Variants in NAALADL2 observed in about 807,000 individuals in gnomAD.
The protein encoded by NAALADL2 is N-acetylated alpha-linked acidic dipeptidase like 2, also known as inactive N-acetylated-alpha-linked acidic dipeptidase-like protein 2.
In NAALADL2, 76 loss-of-function variants were observed where a neutral mutation model predicts 87.2. The ratio of observed to expected loss-of-function variants is 0.87; its 90% CI spans 0.72 to 1.05. The LOEUF (loss-of-function observed/expected upper bound fraction) is 1.05, where lower values mean the gene tolerates loss of function less well. Ranked by LOEUF, NAALADL2 falls within the 50% of genes least tolerant of loss-of-function variation. The pLI, the probability that NAALADL2 is intolerant of heterozygous loss-of-function variation, is 0.00. For missense variants in NAALADL2, 1,089 were observed against 945.8 expected (o/e 1.15, Z -1.99); for synonymous variants, 354 against 331.0 (o/e 1.07, Z -0.75).
chr3:174,581,087 CA>C (rs1398263827), intron 2 of NAALADL2, among the ~76,000 whole-genome samples: 1 of 151,958 alleles, frequency 6.6e-6, no homozygotes, highest in Non-Finnish European at 1.5e-5. Flanking sequence ...GCATGGGAAG[CA>C]AATGTAGAAA....
At chr3:175,542,207 T>G (rs1172592469) in intron 9 of NAALADL2, among the ~76,000 whole-genome samples, 3 of 152,212 alleles carry the variant, frequency 2.0e-5, no homozygotes, top group Non-Finnish European at 4.4e-5. Context: ...ATAAAAGCAC[T>G]TTTATTATTA....
chr3:175,003,914 C>A (rs1008116135), intron 1 of NAALADL2, among the ~76,000 whole-genome samples: 1 of 152,100 alleles, frequency 6.6e-6, no homozygotes, highest in Non-Finnish European at 1.5e-5. Flanking sequence ...AAAGAGACTT[C>A]GAAGACAGAA....
intron 4 of NAALADL2, chr3:175,270,990 AAC>A (rs1026032941): frequency 3.9e-5 from 6 of 152,190 alleles, no homozygotes; most frequent in African/African-American, 1.4e-4. Context: ...TTTTTATTAA[AAC>A]ACATTTTAAA....
intron 5 of NAALADL2, among the ~76,000 whole-genome samples, chr3:175,366,958 G>A (rs1027718611): frequency 1.1e-4 from 17 of 151,562 alleles, no homozygotes; most frequent in Non-Finnish European, 2.1e-4. Context: ...GAATGGTAAT[G>A]CCTAGGTTTT....
Position 174,445,527 on chromosome 3 carries a change from T to A in NAALADL2, c.-184+4495T>A, listed in dbSNP as rs544151371. On this transcript the variant is annotated intron_variant, in intron 1 of 3. Transcript: ENST00000434257. ...TCAAAAATATTTTGATTGTATAGTT[T>A]TTTACGTGGTACATTCAAAGAAATA... 4.0e-4 allele frequency among the ~76,000 whole-genome samples: 61 copies of A among 152,192 alleles called. 1 individual carries two copies. The highest frequency in any genetic ancestry group is 6.2e-4 in the Non-Finnish European group (42 of 67,974).
chr3:175,006,933 A>G (rs1300666118), intron 1 of NAALADL2, among the ~76,000 whole-genome samples: 1 of 151,518 alleles, frequency 6.6e-6, no homozygotes, highest in Non-Finnish European at 1.5e-5. Flanking sequence ...TTCCTTTATA[A>G]GTCTTTGATT....
At chr3:175,617,043 A>G (rs1725440572) in intron 10 of NAALADL2, among the ~76,000 whole-genome samples, 1 of 152,156 alleles carries the variant, frequency 6.6e-6, no homozygotes, top group Admixed American at 6.5e-5. Flanking sequence ...CATAGGAACT[A>G]AAATATCCCC....
chr3:175,641,553 A>G (rs1233926976), intron 11 of NAALADL2, among the ~76,000 whole-genome samples: 1 of 152,216 alleles, frequency 6.6e-6, no homozygotes, highest in Admixed American at 6.5e-5. Context: ...GGGAATAAAC[A>G]AAAACAATGT....
At chr3:175,302,825 CGTGTGTGTATATAT>C in intron 4 of NAALADL2, among the ~76,000 whole-genome samples, 1 of 150,654 alleles carries the variant, frequency 6.6e-6, no homozygotes, top group South Asian at 2.1e-4. Context: ...CCTGTCGAAA[CGTGTGTGTATATAT>C]GTGTGTGTAT....
intron 2 of NAALADL2, among the ~76,000 whole-genome samples, chr3:175,207,526 G>T (rs1741123342): frequency 6.6e-6 from 1 of 152,000 alleles, no homozygotes; most frequent in South Asian, 2.1e-4. Context: ...TGACTCATTT[G>T]TATATTTTGG....
At chr3:175,485,274 TG>T (rs1257292062) in intron 9 of NAALADL2, among the ~76,000 whole-genome samples, 2 of 152,148 alleles carry the variant, frequency 1.3e-5, no homozygotes, top group African/African-American at 4.8e-5. Context: ...AATTAGCTCA[TG>T]ATGGTGATGC....
intron 3 of NAALADL2, among the ~76,000 whole-genome samples, chr3:174,778,788 C>A (rs1420035947): frequency 6.6e-6 from 1 of 152,040 alleles, no homozygotes; most frequent in Non-Finnish European, 1.5e-5. Context: ...TTCACCCATG[C>A]CCCTGCAAAG....
chr3:174,569,690 G>A (rs1482320953), intron 2 of NAALADL2, among the ~76,000 whole-genome samples: 1 of 152,044 alleles, frequency 6.6e-6, no homozygotes, highest in Non-Finnish European at 1.5e-5. Context: ...AGCTATGTTA[G>A]GTTTAAAATA....
intron 1 of NAALADL2, among the ~76,000 whole-genome samples, chr3:174,925,466 T>C (rs891101928): frequency 2.6e-5 from 4 of 152,222 alleles, no homozygotes; most frequent in Non-Finnish European, 2.9e-5. Context: ...CTGTTTTGGT[T>C]ACTGTAGCCT....
At chr3:175,646,057 A>C (rs1255896294) in intron 11 of NAALADL2, among the ~76,000 whole-genome samples, 2 of 152,126 alleles carry the variant, frequency 1.3e-5, no homozygotes, top group African/African-American at 4.8e-5. Flanking sequence ...TTAAACTAGA[A>C]ATCTAGCTTA....
chr3:175,319,355 G>C (rs1475086521), intron 4 of NAALADL2, among the ~76,000 whole-genome samples: 2 of 143,362 alleles, frequency 1.4e-5, no homozygotes, highest in Non-Finnish European at 3.1e-5. Context: ...CCAAAAATTG[G>C]AAGAGCATTT....
chr3:175,312,661 T>C (rs1758533050), intron 4 of NAALADL2, among the ~76,000 whole-genome samples: 1 of 152,206 alleles, frequency 6.6e-6, no homozygotes, highest in African/African-American at 2.4e-5. Flanking sequence ...AACTCAAGTT[T>C]GATTCCTGCC....
chr3:174,607,666 G>A (rs896414597), intron 2 of NAALADL2, among the ~76,000 whole-genome samples: 4 of 152,032 alleles, frequency 2.6e-5, no homozygotes, highest in Non-Finnish European at 4.4e-5. Flanking sequence ...GATTCATAAG[G>A]AAGTCCTGAG....
chr3:175,374,615 G>A (rs1766919855), intron 5 of NAALADL2, among the ~76,000 whole-genome samples: 1 of 140,662 alleles, frequency 7.1e-6, no homozygotes, highest in Non-Finnish European at 1.5e-5. Flanking sequence ...TGTGGTGGCT[G>A]TAATCCCAGC....
Sources: gnomAD v4.1 joint callset for allele counts (sites outside exome capture counted in the v4.1 genomes callset) on GRCh38, gnomAD v4.1.1 for gene constraint, MANE v1.5 for transcripts, NCBI Gene and HGNC (gene_info 2026-07-23, HGNC 2026-07-21) for gene names.